The following RBFOX1 variants were observed in gnomAD, a reference collection of about 807,000 sequenced individuals.
RBFOX1 encodes RNA binding protein fox-1 homolog 1.
A neutral mutation model predicts 57.7 loss-of-function variants in RBFOX1; 8 were observed. The observed-to-expected ratio is 0.14, with a 90% CI of 0.08 to 0.25. The LOEUF (loss-of-function observed/expected upper bound fraction) is 0.25. RBFOX1 is among the 10% of genes least tolerant of loss of function. The pLI, the probability that RBFOX1 is intolerant of heterozygous loss-of-function variation, is 1.00. For synonymous variants in RBFOX1, 326 were observed against 222.4 expected, an observed-to-expected ratio of 1.47 and a Z score of -4.15; for missense variants, 611 against 548.5, an observed-to-expected ratio of 1.11 and a Z score of -1.14.
In RBFOX1 at chr16:6,744,691, A is replaced by G. The variant is rs183957451; in HGVS notation, c.-16+90041A>G. ...ATCAGATTTTGCGTAGTGTTATTAA[A>G]CAATGCTTGAAGAGAAATTCATAGC... On this transcript the variant is annotated intron_variant, in intron 3 of 15. Transcript: ENST00000550418. 1.1e-4 allele frequency among the ~76,000 whole-genome samples: 17 copies of G among 152,242 alleles called. No homozygotes were observed. The East Asian group carries it at 2.7e-3, about 24-fold the overall frequency.
intron 2 of RBFOX1, among the ~76,000 whole-genome samples, chr16:6,352,119 C>T (rs907703200): frequency 6.6e-6 from 1 of 152,058 alleles, no homozygotes; most frequent in African/African-American, 2.4e-5. Context: ...AGAGGTTTCT[C>T]CAGTCACTTT....
At chr16:5,514,661 A>G (rs1266532444) in intron 2 of RBFOX1, among the ~76,000 whole-genome samples, 2 of 152,114 alleles carry the variant, frequency 1.3e-5, no homozygotes, top group Admixed American at 1.3e-4. Context: ...ATCTCTGCCC[A>G]TAGGAAGCTC....
chr16:6,339,343 T>A (rs1180700868), intron 2 of RBFOX1, among the ~76,000 whole-genome samples: 1 of 152,194 alleles, frequency 6.6e-6, no homozygotes, highest in Admixed American at 6.5e-5. Flanking sequence ...TTGCCTGATG[T>A]GTGCAGCAAG....
chr16:6,424,783 G>A (rs1015395735), intron 2 of RBFOX1, among the ~76,000 whole-genome samples: 23 of 152,218 alleles, frequency 1.5e-4, no homozygotes, highest in Middle Eastern at 6.8e-3. Context: ...ATGAAATGAC[G>A]TTGCAACCAT....
chr16:7,700,310 C>T (rs937376394), intron 14 of RBFOX1, among the ~76,000 whole-genome samples: 1 of 152,160 alleles, frequency 6.6e-6, no homozygotes, highest in African/African-American at 2.4e-5. Context: ...CTCTCACCCT[C>T]ACTGTAGCCT....
At chr16:6,810,041 T>TTTC (rs2088049507) in intron 3 of RBFOX1, among the ~76,000 whole-genome samples, 1 of 151,516 alleles carries the variant, frequency 6.6e-6, no homozygotes, top group Non-Finnish European at 1.5e-5. Context: ...TTTTTTTTTT[T>TTTC]CTGTTAATAA....
At chr16:7,201,409 G>A (rs555326583) in intron 4 of RBFOX1, among the ~76,000 whole-genome samples, 1 of 152,076 alleles carries the variant, frequency 6.6e-6, no homozygotes, top group East Asian at 1.9e-4. Flanking sequence ...TGAGGCAGGA[G>A]GTCCTTAGTT....
chr16:5,585,516 T>C (rs2046801918), intron 2 of RBFOX1, among the ~76,000 whole-genome samples: 1 of 152,254 alleles, frequency 6.6e-6, no homozygotes, highest in Non-Finnish European at 1.5e-5. Flanking sequence ...TGTAGCTATT[T>C]GTTTCTTGTG....
intron 3 of RBFOX1, among the ~76,000 whole-genome samples, chr16:6,928,744 A>G (rs1408091587): frequency 3.3e-5 from 5 of 152,176 alleles, no homozygotes; most frequent in African/African-American, 1.2e-4. Flanking sequence ...ACGGTTGCAT[A>G]TGTGTGTGTT....
At chr16:5,638,499 G>T (rs925079476) in intron 3 of RBFOX1, among the ~76,000 whole-genome samples, 1 of 152,166 alleles carries the variant, frequency 6.6e-6, no homozygotes, top group Non-Finnish European at 1.5e-5. Flanking sequence ...GCAGCTGCTA[G>T]GGATACTCAC....
At chr16:7,564,607 G>C (rs562578166) in intron 5 of RBFOX1, among the ~76,000 whole-genome samples, 24 of 147,640 alleles carry the variant, frequency 1.6e-4, no homozygotes, top group African/African-American at 6.0e-4. Flanking sequence ...CCCTTCCCAG[G>C]AGCTGAGTTG....
chr16:7,373,154 C>T (rs957619108), intron 4 of RBFOX1, among the ~76,000 whole-genome samples: 8 of 152,084 alleles, frequency 5.3e-5, no homozygotes, highest in African/African-American at 1.7e-4. Flanking sequence ...GGATGGTTAT[C>T]GCTCTCCTGA....
intron 7 of RBFOX1, among the ~76,000 whole-genome samples, chr16:7,593,843 C>A (rs2094560184): frequency 2.0e-5 from 3 of 152,080 alleles, no homozygotes; most frequent in Non-Finnish European, 2.9e-5. Flanking sequence ...TTCTGAGGTA[C>A]AGCTGTCTAT....
intron 2 of RBFOX1, among the ~76,000 whole-genome samples, chr16:5,592,020 G>C (rs919194206): frequency 5.9e-5 from 9 of 152,176 alleles, no homozygotes; most frequent in African/African-American, 1.9e-4. Context: ...TTCTTTGTCA[G>C]TCTCCGTAAA....
At chr16:5,498,457 G>T (rs1202754186) in intron 2 of RBFOX1, among the ~76,000 whole-genome samples, 2 of 152,108 alleles carry the variant, frequency 1.3e-5, no homozygotes, top group African/African-American at 4.8e-5. Flanking sequence ...ATTCTAATTG[G>T]CAGCAGTAGT....
chr16:5,720,249 T>C (rs2051879273), intron 3 of RBFOX1, among the ~76,000 whole-genome samples: 1 of 152,220 alleles, frequency 6.6e-6, no homozygotes, highest in Non-Finnish European at 1.5e-5. Flanking sequence ...TTCAGATTCT[T>C]GGTCCATTTT....
At chr16:6,353,392 A>C (rs2086732383) in intron 2 of RBFOX1, among the ~76,000 whole-genome samples, 1 of 151,398 alleles carries the variant, frequency 6.6e-6, no homozygotes, top group African/African-American at 2.4e-5. Context: ...GCCATCCTAG[A>C]TACCTATTTT....
intron 3 of RBFOX1, among the ~76,000 whole-genome samples, chr16:6,655,394 A>AAAAAAAAAAAG (rs2098642127): frequency 7.2e-6 from 1 of 138,992 alleles, no homozygotes. Flanking sequence ...AAAAAAAAAA[A>AAAAAAAAAAAG]AAAAAAAAAG....
In RBFOX1 at chr16:5,785,146, G is replaced by C. The variant is rs182092808; in HGVS notation, c.319-82157G>C. On this transcript the variant is annotated intron_variant, in intron 3 of 19. Coordinates refer to the RBFOX1 transcript ENST00000641259. ...TTTTTCTGGGATAAATTCCCAGGAC[G>C]GGTGTTAAAGAGACGGGACATTCAA... is the stretch of plus-strand genomic sequence containing the variant. 2.0e-5 allele frequency among the ~76,000 whole-genome samples: 3 copies of C among 152,280 alleles called. No homozygotes were observed. In the East Asian group the frequency reaches 5.8e-4, roughly 29 times the overall value.
Sources: gnomAD v4.1 joint callset for allele counts (sites outside exome capture counted in the v4.1 genomes callset) on GRCh38, gnomAD v4.1.1 for gene constraint, MANE v1.5 for transcripts, NCBI Gene and HGNC (gene_info 2026-07-23, HGNC 2026-07-21) for gene names.